The following TBC1D32 variants were observed in gnomAD, a reference collection of about 807,000 sequenced individuals.
TBC1D32 encodes TBC1 domain family member 32.
TBC1D32 carries 151 observed loss-of-function variants against 170.3 expected under a neutral mutation model. That is an observed-to-expected ratio of 0.89 (90% CI 0.78 to 1.01). TBC1D32 has a LOEUF of 1.01. TBC1D32 is among the 50% of genes least tolerant of loss of function. The probability of loss-of-function intolerance (pLI) is 0.00; values close to 1 mark genes in which losing one functional copy is unlikely to be tolerated. For missense variants in TBC1D32, 1,464 were observed against 1,457.1 expected (o/e 1.00, Z -0.08); for synonymous variants, 498 against 488.0 (o/e 1.02, Z -0.27).
In TBC1D32 at chr6:121,256,154, C is replaced by A. The variant is rs767380550; in HGVS notation, c.1865G>T (p.Ser622Ile). Reference protein sequence around the residue: ...AFISVCRHIYSTCEGLQVLIT... With the variant: ...AFISVCRHIYITCEGLQVLIT... ...TAACACCTGCAAACCTTCACATGTA[C>A]TATATATGTGACGACACACAGAAAT... Residue 622 changes from serine to isoleucine, a missense_variant, in exon 16 of 32, where the codon AGT becomes ATT. This residue lies in a region of TBC1D32 where 1,363 missense variants were observed against 1,338.1 expected (regional missense o/e 1.02). Transcript: ENST00000398212. 2 of 1,613,826 alleles carry A rather than the reference C, an allele frequency of 1.2e-6. No homozygotes were observed. The highest frequency in any genetic ancestry group is 1.7e-6 in the Non-Finnish European group (2 of 1,179,800).
At chr6:121,211,809 C>A (rs1031224681) in intron 21 of TBC1D32, among the ~76,000 whole-genome samples, 1 of 152,126 alleles carries the variant, frequency 6.6e-6, no homozygotes, top group African/African-American at 2.4e-5. Flanking sequence ...CCCAGTGGAA[C>A]CTTGACCACA....
At chr6:121,109,806 T>C (rs1779031917) in intron 29 of TBC1D32, among the ~76,000 whole-genome samples, 1 of 152,164 alleles carries the variant, frequency 6.6e-6, no homozygotes, top group South Asian at 2.1e-4. Flanking sequence ...TTCAAATTAA[T>C]TTTTCATTAC....
intron 24 of TBC1D32, among the ~76,000 whole-genome samples, chr6:121,157,525 T>A (rs1364291571): frequency 1.3e-5 from 2 of 152,116 alleles, no homozygotes; most frequent in Non-Finnish European, 2.9e-5. Flanking sequence ...TACTGATATG[T>A]GAGATTCTGA....
At chr6:121,196,886 G>C (rs950375368) in intron 22 of TBC1D32, among the ~76,000 whole-genome samples, 3 of 152,112 alleles carry the variant, frequency 2.0e-5, no homozygotes, top group Admixed American at 2.0e-4. Context: ...TAGAAGTGGA[G>C]GTAGCACCAC....
intron 22 of TBC1D32, among the ~76,000 whole-genome samples, chr6:121,185,793 A>T (rs1789133183): frequency 6.6e-6 from 1 of 152,112 alleles, no homozygotes; most frequent in Non-Finnish European, 1.5e-5. Context: ...CTAGTTTAAC[A>T]ATAAAAAAAA....
intron 22 of TBC1D32, among the ~76,000 whole-genome samples, chr6:121,180,152 T>C (rs539745140): frequency 2.0e-5 from 3 of 152,270 alleles, no homozygotes; most frequent in African/African-American, 2.4e-5. Flanking sequence ...ATTATGCAGA[T>C]GTCAATTCAT....
intron 31 of TBC1D32, among the ~76,000 whole-genome samples, chr6:121,087,612 A>G (rs923467646): frequency 5.3e-5 from 8 of 152,206 alleles, no homozygotes; most frequent in Admixed American, 1.3e-4. Flanking sequence ...TGAAAGTATA[A>G]CATATTTGTG....
intron 28 of TBC1D32, 108 bp from the exon 29 acceptor site, chr6:121,112,767 T>C (rs1345533844): frequency 9.7e-7 from 1 of 1,026,900 alleles, no homozygotes; most frequent in Non-Finnish European, 1.3e-6. Context: ...ACATTCTTAT[T>C]CTGAATTTAT....
At chr6:121,133,450 T>C (rs957581040) in intron 24 of TBC1D32, among the ~76,000 whole-genome samples, 7 of 152,014 alleles carry the variant, frequency 4.6e-5, no homozygotes, top group African/African-American at 1.4e-4. Flanking sequence ...CATATGCATG[T>C]ATATGTGTGT....
intron 15 of TBC1D32, among the ~76,000 whole-genome samples, chr6:121,278,584 C>A (rs911037724): frequency 1.4e-4 from 22 of 152,084 alleles, no homozygotes; most frequent in Admixed American, 6.6e-4. Context: ...TACAGCTATA[C>A]ACAAAAGTGT....
intron 21 of TBC1D32, among the ~76,000 whole-genome samples, chr6:121,216,406 G>A (rs2173837): frequency 3.9e-5 from 6 of 152,068 alleles, no homozygotes; most frequent in Non-Finnish European, 8.8e-5. Context: ...TATGTCTATC[G>A]TATTAGCTCT....
At chr6:121,194,064 TG>T (rs2128290595) in intron 22 of TBC1D32, among the ~76,000 whole-genome samples, 1 of 151,684 alleles carries the variant, frequency 6.6e-6, no homozygotes, top group African/African-American at 2.4e-5. Context: ...TACTGGACAC[TG>T]GCTCTGAGCT....
intron 1 of TBC1D32, among the ~76,000 whole-genome samples, chr6:121,330,946 T>A (rs1811138443): frequency 6.6e-6 from 1 of 152,212 alleles, no homozygotes; most frequent in African/African-American, 2.4e-5. Flanking sequence ...AGAGCTTGGA[T>A]CTTTTAGAGA....
At chr6:121,089,324 G>A (rs1776568287) in intron 31 of TBC1D32, among the ~76,000 whole-genome samples, 1 of 152,048 alleles carries the variant, frequency 6.6e-6, no homozygotes, top group Non-Finnish European at 1.5e-5. Flanking sequence ...ATTTCGGATG[G>A]TGATAAAAAC....
chr6:121,251,281 G>C, intron 17 of TBC1D32, among the ~76,000 whole-genome samples: 1 of 151,780 alleles, frequency 6.6e-6, no homozygotes, highest in East Asian at 1.9e-4. Flanking sequence ...ACAATCCCAA[G>C]CAAAAAGAAC....
intron 22 of TBC1D32, among the ~76,000 whole-genome samples, chr6:121,188,331 A>G (rs1562826202): frequency 1.3e-5 from 2 of 152,154 alleles, no homozygotes; most frequent in African/African-American, 4.8e-5. Context: ...AATGTAAAAT[A>G]TTATGTAATT....
At chr6:121,098,816 C>T (rs954265460) in intron 30 of TBC1D32, among the ~76,000 whole-genome samples, 1 of 151,772 alleles carries the variant, frequency 6.6e-6, no homozygotes, top group African/African-American at 2.4e-5. Context: ...TCCATTTGGA[C>T]ATATATTAAA....
intron 31 of TBC1D32, among the ~76,000 whole-genome samples, chr6:121,085,224 T>TATATATACAC (rs1388542255): frequency 1.4e-4 from 19 of 136,186 alleles, no homozygotes; most frequent in African/African-American, 5.2e-4. Flanking sequence ...TATATACACA[T>TATATATACAC]ATATATATAC....
In TBC1D32 at chr6:121,260,689, C is replaced by T. The variant is rs1799644492; in HGVS notation, c.1734-4404G>A. Among the ~76,000 whole-genome samples, 2 of 152,180 alleles carry T rather than the reference C, an allele frequency of 1.3e-5. 1 individual carries two copies. Among genetic ancestry groups the T allele is most frequent in the Admixed American group, 1.3e-4 (2 of 15,278 alleles). On this transcript the variant is annotated intron_variant, in intron 15 of 31. Transcript: ENST00000398212. ...ACTGGTGAGCCCACGCCACTGAGGC[C>T]TTCAGTCCAAACCACAGAGCCATGC...
Sources: allele counts gnomAD v4.1 joint callset (sites outside exome capture counted in the v4.1 genomes callset), GRCh38; gene constraint gnomAD v4.1.1; regional missense constraint gnomAD v4.1.1; transcripts MANE v1.5; gene names NCBI Gene and HGNC (gene_info 2026-07-23, HGNC 2026-07-21).